The following AGBL4 variants were observed in gnomAD, a reference collection of about 807,000 sequenced individuals.
The protein encoded by AGBL4 is AGBL carboxypeptidase 4, also known as cytosolic carboxypeptidase 6.
Under a neutral mutation model 66.4 loss-of-function variants are expected in AGBL4, and 58 were observed. That is an observed-to-expected ratio of 0.87 (90% CI 0.71 to 1.09). The LOEUF (loss-of-function observed/expected upper bound fraction) is 1.09, where lower values mean the gene tolerates loss of function less well. AGBL4 is among the 50% of genes least tolerant of loss of function. The pLI, the probability that AGBL4 is intolerant of heterozygous loss-of-function variation, is 0.00. For missense variants in AGBL4, 579 were observed against 631.0 expected, an observed-to-expected ratio of 0.92 and a Z score of 0.88; for synonymous variants, 234 against 222.9, an observed-to-expected ratio of 1.05 and a Z score of -0.44.
chr1:49,699,295 T>C (rs530778942), intron 2 of AGBL4, among the ~76,000 whole-genome samples: 1 of 152,208 alleles, frequency 6.6e-6, no homozygotes, highest in East Asian at 1.9e-4. Flanking sequence ...TTCTTCATCA[T>C]TCTTGTGATG....
At chr1:49,455,535 C>A (rs1646369491) in intron 3 of AGBL4, among the ~76,000 whole-genome samples, 1 of 151,528 alleles carries the variant, frequency 6.6e-6, no homozygotes, top group Non-Finnish European at 1.5e-5. Context: ...ATTTCCTTAC[C>A]ATCTCCATTG....
chr1:49,280,951 T>C (rs1395460452), intron 3 of AGBL4, among the ~76,000 whole-genome samples: 3 of 152,034 alleles, frequency 2.0e-5, no homozygotes, highest in African/African-American at 4.8e-5. Context: ...GGTAAGAAAA[T>C]AGAATGGGAA....
intron 3 of AGBL4, among the ~76,000 whole-genome samples, chr1:49,360,992 T>C (rs1644124155): frequency 6.6e-6 from 1 of 151,898 alleles, no homozygotes; most frequent in South Asian, 2.1e-4. Flanking sequence ...AAGAAAGAGT[T>C]TCACCGTGTT....
At chr1:49,678,270 G>C (rs1433441463) in intron 3 of AGBL4, among the ~76,000 whole-genome samples, 1 of 151,884 alleles carries the variant, frequency 6.6e-6, no homozygotes, top group African/African-American at 2.4e-5. Context: ...TTACTCCTTT[G>C]TTATTTTATT....
chr1:49,897,379 G>A (rs528642466), intron 1 of AGBL4, among the ~76,000 whole-genome samples: 22 of 151,618 alleles, frequency 1.5e-4, no homozygotes, highest in African/African-American at 3.6e-4. Context: ...AATTATATAC[G>A]TCAGAATTAA....
At chr1:49,992,784 T>C (rs1660060521) in intron 1 of AGBL4, among the ~76,000 whole-genome samples, 2 of 152,154 alleles carry the variant, frequency 1.3e-5, no homozygotes, top group African/African-American at 4.8e-5. Flanking sequence ...CATCCTACCT[T>C]GTAGAACTAA....
intron 2 of AGBL4, among the ~76,000 whole-genome samples, chr1:49,826,698 T>G (rs1169600956): frequency 1.3e-5 from 2 of 152,230 alleles, no homozygotes; most frequent in African/African-American, 4.8e-5. Context: ...CCAATTATTT[T>G]AGGACCCACC....
At chr1:49,124,398 G>A (rs955449421) in intron 4 of AGBL4, among the ~76,000 whole-genome samples, 1 of 152,112 alleles carries the variant, frequency 6.6e-6, no homozygotes, top group Non-Finnish European at 1.5e-5. Flanking sequence ...TTTTCTACCA[G>A]CATCTGCCTG....
At chr1:49,880,892 C>T (rs1647228537) in intron 1 of AGBL4, among the ~76,000 whole-genome samples, 1 of 152,186 alleles carries the variant, frequency 6.6e-6, no homozygotes, top group South Asian at 2.1e-4. Flanking sequence ...GTCTGAAAAG[C>T]ACAATATTCG....
At chr1:48,879,823 A>G (rs569893417) in intron 5 of AGBL4, among the ~76,000 whole-genome samples, 1 of 152,312 alleles carries the variant, frequency 6.6e-6, no homozygotes, top group South Asian at 2.1e-4. Flanking sequence ...ATTAAAACTG[A>G]GCTTTTGATT....
At chr1:48,534,859 C>A in intron 13 of AGBL4, 31 bp downstream of exon 13, 2 of 1,548,526 alleles carry the variant, frequency 1.3e-6, no homozygotes, top group East Asian at 2.4e-5. Context: ...ATGTTACTTA[C>A]GGGCAATGTC....
At chr1:48,758,936 T>C in intron 6 of AGBL4, 1 of 1,574,688 alleles carries the variant, frequency 6.4e-7, no homozygotes, top group Non-Finnish European at 8.6e-7. Flanking sequence ...TCCTGGAGCC[T>C]CCGGTTAAGG....
chr1:49,595,904 G>A (rs1037017337), intron 3 of AGBL4, among the ~76,000 whole-genome samples: 1 of 152,120 alleles, frequency 6.6e-6, no homozygotes, highest in African/African-American at 2.4e-5. Flanking sequence ...CAGCCTAGGA[G>A]CACTTAAACT....
intron 1 of AGBL4, among the ~76,000 whole-genome samples, chr1:49,869,882 T>C (rs1043845354): frequency 3.3e-5 from 5 of 152,162 alleles, no homozygotes; most frequent in Admixed American, 6.6e-5. Context: ...ATTGACCTAG[T>C]GTGTTTGATA....
intron 3 of AGBL4, among the ~76,000 whole-genome samples, chr1:49,663,753 T>A (rs962739105): frequency 2.3e-4 from 35 of 151,850 alleles, no homozygotes; most frequent in African/African-American, 8.0e-4. Flanking sequence ...AATAATTTGG[T>A]ACCAAAAGAG....
chr1:48,594,286 T>C (rs1381102189), intron 9 of AGBL4, among the ~76,000 whole-genome samples: 1 of 152,156 alleles, frequency 6.6e-6, no homozygotes, highest in African/African-American at 2.4e-5. Flanking sequence ...ATCGCACCAT[T>C]GCACTCTGGC....
At chr1:49,037,865 G>A (rs1664790265) in intron 5 of AGBL4, among the ~76,000 whole-genome samples, 1 of 152,040 alleles carries the variant, frequency 6.6e-6, no homozygotes, top group South Asian at 2.1e-4. Context: ...TATTTGTAGT[G>A]TTAAAGAACA....
intron 11 of AGBL4, among the ~76,000 whole-genome samples, chr1:48,559,612 T>TAA (rs1644367366): frequency 2.0e-5 from 3 of 152,204 alleles, no homozygotes; most frequent in Non-Finnish European, 4.4e-5. Context: ...TACTGGTATG[T>TAA]AGCAGGAACT....
intron 6 of AGBL4, among the ~76,000 whole-genome samples, chr1:48,806,703 AT>A (rs2148751210): frequency 6.6e-6 from 1 of 152,302 alleles, no homozygotes; most frequent in African/African-American, 2.4e-5. Context: ...GCCCTGGTGA[AT>A]TCATTTTTCT....
Sources: allele counts gnomAD v4.1 joint callset (sites outside exome capture counted in the v4.1 genomes callset), GRCh38; gene constraint gnomAD v4.1.1; transcripts MANE v1.5; gene names NCBI Gene and HGNC (gene_info 2026-07-23, HGNC 2026-07-21).